The following LRMDA variants were observed in gnomAD, a reference collection of about 807,000 sequenced individuals.
LRMDA encodes the protein leucine rich melanocyte differentiation associated, also known as leucine-rich melanocyte differentiation-associated protein.
LRMDA carries 18 observed loss-of-function variants against 29.8 expected under a neutral mutation model. The observed-to-expected ratio is 0.60, with a 90% CI of 0.42 to 0.90. The LOEUF is 0.90. Ranked by LOEUF, LRMDA falls within the 40% of genes least tolerant of loss-of-function variation. LRMDA has a pLI of 0.00. For missense variants in LRMDA, 273 were observed against 273.9 expected (o/e 1.00, Z 0.02); for synonymous variants, 125 against 109.4 (o/e 1.14, Z -0.89).
At position 76,535,535 on chromosome 10, in the gene LRMDA, A is replaced by C. The variant is rs184131896; in HGVS notation, c.602-21674A>C. On this transcript the variant is annotated intron_variant, in intron 6 of 6. Coordinates refer to ENST00000611255, the MANE Select transcript of LRMDA (RefSeq NM_001305581.2). ...TACAGATTAATAAAAATTGATAGAG[A>C]CTTGAAAACTGCTCATGGGGTCAGT... is the stretch of plus-strand genomic sequence containing the variant. Among the ~76,000 whole-genome samples the C allele has an allele frequency of 7.7e-4, 118 of 152,286 alleles. 1 individual carries two copies. The highest frequency in any genetic ancestry group is 1.5e-3 in the Non-Finnish European group (100 of 68,022).
intron 2 of LRMDA, among the ~76,000 whole-genome samples, chr10:75,555,521 A>G (rs967858791): frequency 2.0e-5 from 3 of 152,150 alleles, no homozygotes; most frequent in Admixed American, 6.5e-5. Flanking sequence ...CAGATTCCAC[A>G]CTGGCTAGAT....
chr10:75,666,747 A>G lies in LRMDA; in HGVS notation c.131+228253A>G, dbSNP rs150513384. 4.8e-3 allele frequency among the ~76,000 whole-genome samples: 727 copies of G among 152,316 alleles called. 4 individuals are homozygous for G. The highest frequency in any genetic ancestry group is 0.014 in the Middle Eastern group (4 of 294). On this transcript the variant is annotated intron_variant, in intron 2 of 6. Transcript: ENST00000611255. Reference sequence around the variant, plus strand: ...CAACATGCTGACCATCATATTAAGAATAAGACAAGTACCAAAACAGGCACC... The same window carrying G: ...CAACATGCTGACCATCATATTAAGAGTAAGACAAGTACCAAAACAGGCACC...
In LRMDA at chr10:75,968,624, A is replaced by G. The variant is rs144362661; in HGVS notation, c.132-67384A>G. On this transcript the variant is annotated intron_variant, in intron 2 of 6. Coordinates refer to ENST00000611255, the MANE Select transcript of LRMDA (RefSeq NM_001305581.2). The stretch of plus-strand genomic sequence containing the variant: ...AAAATACTTATCCAATTAAACTAGG[A>G]GCCACCATAATGTGCAGGGATAAGT... Among the ~76,000 whole-genome samples the G allele has an allele frequency of 4.6e-5, 7 of 152,322 alleles. No homozygotes were observed. In the East Asian group the frequency reaches 1.4e-3, roughly 29 times the overall value.
chr10:75,816,935 A>G (rs1191096363), intron 2 of LRMDA, among the ~76,000 whole-genome samples: 1 of 152,214 alleles, frequency 6.6e-6, no homozygotes, highest in African/African-American at 2.4e-5. Context: ...GCCATGATAT[A>G]GTACCTGAGC....
At chr10:76,201,351 C>T (rs920614696) in intron 5 of LRMDA, among the ~76,000 whole-genome samples, 5 of 152,126 alleles carry the variant, frequency 3.3e-5, no homozygotes, top group African/African-American at 4.8e-5. Flanking sequence ...TCTTGGCCTC[C>T]CAAAGTGCAG....
intron 6 of LRMDA, among the ~76,000 whole-genome samples, chr10:76,360,058 G>A (rs557011573): frequency 3.9e-5 from 6 of 152,000 alleles, no homozygotes; most frequent in African/African-American, 1.2e-4. Context: ...GCAATCACAC[G>A]ATCTTGGCTC....
intron 6 of LRMDA, among the ~76,000 whole-genome samples, chr10:76,449,674 T>G (rs1172678810): frequency 6.6e-6 from 1 of 151,994 alleles, no homozygotes; most frequent in Non-Finnish European, 1.5e-5. Context: ...GTTTTCATCT[T>G]ATGTAGAGGT....
At chr10:75,627,730 C>G (rs926573337) in intron 2 of LRMDA, among the ~76,000 whole-genome samples, 1 of 152,182 alleles carries the variant, frequency 6.6e-6, no homozygotes, top group African/African-American at 2.4e-5. Context: ...ATCGCCATCT[C>G]TGAAGCCCCA....
chr10:75,953,814 C>T (rs1846618731), intron 2 of LRMDA, among the ~76,000 whole-genome samples: 1 of 152,120 alleles, frequency 6.6e-6, no homozygotes, highest in African/African-American at 2.4e-5. Context: ...TATTCCTTGT[C>T]CCCTAGTGCC....
At chr10:76,225,104 C>T (rs142425576) in intron 5 of LRMDA, among the ~76,000 whole-genome samples, 1 of 152,012 alleles carries the variant, frequency 6.6e-6, no homozygotes, top group South Asian at 2.1e-4. Context: ...CGCCAAATCT[C>T]ATGCTGAAAT....
At chr10:76,220,130 A>C (rs1851802973) in intron 5 of LRMDA, among the ~76,000 whole-genome samples, 1 of 152,220 alleles carries the variant, frequency 6.6e-6, no homozygotes, top group Non-Finnish European at 1.5e-5. Context: ...GTGTACAGGG[A>C]AATTTATAGC....
chr10:75,864,432 C>A (rs932769605), intron 2 of LRMDA, among the ~76,000 whole-genome samples: 13 of 152,146 alleles, frequency 8.5e-5, no homozygotes, highest in African/African-American at 2.2e-4. Context: ...CCTAGGGGAA[C>A]CTCAGGCTCC....
At chr10:75,463,680 T>C (rs1844616466) in intron 2 of LRMDA, among the ~76,000 whole-genome samples, 1 of 152,016 alleles carries the variant, frequency 6.6e-6, no homozygotes, top group South Asian at 2.1e-4. Flanking sequence ...TTGTCTTGTT[T>C]TTTTTGAGAT....
At chr10:75,586,238 C>A (rs948553800) in intron 2 of LRMDA, among the ~76,000 whole-genome samples, 2 of 148,688 alleles carry the variant, frequency 1.3e-5, no homozygotes, top group Admixed American at 1.3e-4. Flanking sequence ...TTCTATGTTT[C>A]ATTTTTTGAG....
At chr10:75,486,418 C>A (rs1183429032) in intron 2 of LRMDA, among the ~76,000 whole-genome samples, 1 of 152,076 alleles carries the variant, frequency 6.6e-6, no homozygotes, top group Non-Finnish European at 1.5e-5. Context: ...CATTGTTATT[C>A]ATTATTATGC....
rs937714381 is a variant in LRMDA at position 76,032,871 on chromosome 10, G to C, written c.132-3137G>C. ...GCTGGTGAGTGATGCTGGACTGACA[G>C]TTGGCGTCTCCACCGGGGATCTGGT... is the stretch of plus-strand genomic sequence containing the variant. On this transcript the variant is annotated intron_variant, in intron 2 of 6. Transcript: ENST00000611255. Among the ~76,000 whole-genome samples, 125 of 152,294 alleles carry C rather than the reference G, an allele frequency of 8.2e-4. 1 individual carries two copies. Among genetic ancestry groups the C allele is most frequent in the Middle Eastern group, 3.4e-3 (1 of 294 alleles).
intron 5 of LRMDA, among the ~76,000 whole-genome samples, chr10:76,256,268 T>C (rs1287310132): frequency 6.6e-6 from 1 of 152,224 alleles, no homozygotes; most frequent in African/African-American, 2.4e-5. Context: ...TGTGCTGAAA[T>C]ACTTAGAGCC....
chr10:75,871,613 C>A (rs1845112356), intron 2 of LRMDA, among the ~76,000 whole-genome samples: 1 of 152,160 alleles, frequency 6.6e-6, no homozygotes, highest in South Asian at 2.1e-4. Context: ...CCCAAATAAG[C>A]TTCCTGCCCC....
intron 3 of LRMDA, among the ~76,000 whole-genome samples, chr10:76,043,456 T>C (rs541465104): frequency 2.6e-5 from 4 of 152,126 alleles, no homozygotes; most frequent in Non-Finnish European, 4.4e-5. Context: ...GACATTCCCA[T>C]TGTTACTCAG....
Sources: gnomAD v4.1 joint callset for allele counts (sites outside exome capture counted in the v4.1 genomes callset) on GRCh38, gnomAD v4.1.1 for gene constraint, MANE v1.5 for transcripts, NCBI Gene and HGNC (gene_info 2026-07-23, HGNC 2026-07-21) for gene names.